Variants in LHFPL3 observed in about 807,000 individuals in gnomAD.
LHFPL3 encodes LHFPL tetraspan subfamily member 3 protein.
Under a neutral mutation model 19.3 loss-of-function variants are expected in LHFPL3, and 5 were observed. The ratio of observed to expected loss-of-function variants is 0.26; its 90% CI spans 0.14 to 0.54. The LOEUF is 0.54. Ranked by LOEUF, LHFPL3 falls within the 20% of genes least tolerant of loss-of-function variation. The probability of loss-of-function intolerance (pLI) is 0.94; values close to 1 mark genes in which losing one functional copy is unlikely to be tolerated. For synonymous variants in LHFPL3, 133 were observed against 126.2 expected (o/e 1.05, Z -0.36); for missense variants, 249 against 307.4 (o/e 0.81, Z 1.42).
At chr7:104,678,305 G>T (rs1792630384) in intron 1 of LHFPL3, among the ~76,000 whole-genome samples, 1 of 152,132 alleles carries the variant, frequency 6.6e-6, no homozygotes, top group Non-Finnish European at 1.5e-5. Flanking sequence ...CTGTATTACA[G>T]GCAAGACTCT....
chr7:104,740,237 A>T (rs997462490), intron 2 of LHFPL3, among the ~76,000 whole-genome samples: 2 of 152,164 alleles, frequency 1.3e-5, no homozygotes, highest in East Asian at 3.9e-4. Context: ...TATAAATTAC[A>T]CAGTCTCAAG....
In LHFPL3 at chr7:104,349,457, C is replaced by T. The variant is rs572524132; in HGVS notation, c.445+20233C>T. Reference sequence around the variant, plus strand: ...ATTATTCTGTATAATAAACCCCAGACATACAAGGGAGCCCTTTTATGATAT... The same window carrying T: ...ATTATTCTGTATAATAAACCCCAGATATACAAGGGAGCCCTTTTATGATAT... On this transcript the variant is annotated intron_variant, in intron 1 of 2. Coordinates refer to ENST00000424859, the MANE Select transcript of LHFPL3 (RefSeq NM_199000.3). Among the ~76,000 whole-genome samples, 5 of 152,324 alleles carry T rather than the reference C, an allele frequency of 3.3e-5. No homozygotes were observed. The East Asian group carries it at 7.7e-4, about 24-fold the overall frequency.
intron 2 of LHFPL3, among the ~76,000 whole-genome samples, chr7:104,821,879 A>G (rs1257589755): frequency 6.6e-6 from 1 of 152,220 alleles, no homozygotes. Context: ...TAAGTAGTGT[A>G]ATCAAAGGTC....
At chr7:104,350,789 C>T (rs1307002116) in intron 1 of LHFPL3, among the ~76,000 whole-genome samples, 3 of 152,160 alleles carry the variant, frequency 2.0e-5, no homozygotes, top group Non-Finnish European at 2.9e-5. Flanking sequence ...CCTGTAATCC[C>T]AGCACTTTGG....
intron 1 of LHFPL3, among the ~76,000 whole-genome samples, chr7:104,339,138 C>T (rs1789896410): frequency 6.6e-6 from 1 of 151,992 alleles, no homozygotes; most frequent in Non-Finnish European, 1.5e-5. Flanking sequence ...ATCCCAGCTA[C>T]TCGGGAGGCC....
chr7:104,335,282 A>G (rs1404750364), intron 1 of LHFPL3, among the ~76,000 whole-genome samples: 1 of 152,250 alleles, frequency 6.6e-6, no homozygotes, highest in Non-Finnish European at 1.5e-5. Context: ...CTTTTCCTCT[A>G]TCAGAGCATT....
chr7:104,508,032 A>T (rs1480608660), intron 1 of LHFPL3, among the ~76,000 whole-genome samples: 18 of 147,338 alleles, frequency 1.2e-4, no homozygotes, highest in African/African-American at 4.3e-4. Flanking sequence ...TAGTTCAACC[A>T]TTGTGGAAGT....
intron 1 of LHFPL3, among the ~76,000 whole-genome samples, chr7:104,336,092 G>A (rs1395546746): frequency 6.6e-6 from 1 of 152,106 alleles, no homozygotes; most frequent in East Asian, 1.9e-4. Flanking sequence ...AACTTTGGGG[G>A]TCAGCACCAG....
At chr7:104,870,847 T>A (rs1791821433) in intron 2 of LHFPL3, among the ~76,000 whole-genome samples, 1 of 152,080 alleles carries the variant, frequency 6.6e-6, no homozygotes, top group African/African-American at 2.4e-5. Context: ...GTAAAGGATG[T>A]ATAGCATCCT....
chr7:104,439,467 C>G (rs1204922150), intron 1 of LHFPL3, among the ~76,000 whole-genome samples: 1 of 151,950 alleles, frequency 6.6e-6, no homozygotes, highest in East Asian at 1.9e-4. Flanking sequence ...GGGTTTATCT[C>G]CAAAATGAAA....
At chr7:104,500,144 A>G (rs1264091415) in intron 1 of LHFPL3, among the ~76,000 whole-genome samples, 1 of 152,228 alleles carries the variant, frequency 6.6e-6, no homozygotes, top group Non-Finnish European at 1.5e-5. Flanking sequence ...CAGAGGTTCC[A>G]CAGGTAACCA....
chr7:104,853,137 G>A (rs1375342028), intron 2 of LHFPL3, among the ~76,000 whole-genome samples: 1 of 152,232 alleles, frequency 6.6e-6, no homozygotes, highest in South Asian at 2.1e-4. Context: ...AGAGCTCAAC[G>A]AGGAGCAAGC....
At chr7:104,501,301 G>C (rs1490343247) in intron 1 of LHFPL3, among the ~76,000 whole-genome samples, 1 of 152,050 alleles carries the variant, frequency 6.6e-6, no homozygotes, top group Non-Finnish European at 1.5e-5. Context: ...AACAGCATTC[G>C]TTCTACTAAT....
chr7:104,824,886 TATATA>T (rs904628536), intron 2 of LHFPL3, among the ~76,000 whole-genome samples: 2 of 135,638 alleles, frequency 1.5e-5, no homozygotes, highest in African/African-American at 5.5e-5. Context: ...TTATATATAT[TATATA>T]ATAATTGTAT....
At chr7:104,425,141 G>A (rs974405188) in intron 1 of LHFPL3, among the ~76,000 whole-genome samples, 3 of 152,010 alleles carry the variant, frequency 2.0e-5, no homozygotes, top group African/African-American at 7.3e-5. Flanking sequence ...CTACATAGTA[G>A]GGCCCAGTGA....
intron 1 of LHFPL3, among the ~76,000 whole-genome samples, chr7:104,660,003 CGTT>C (rs771746807): frequency 1.2e-5 from 1 of 81,682 alleles, no homozygotes; most frequent in East Asian, 4.4e-4. Context: ...CACAGCAACT[CGTT>C]TTTTTTTTTT....
intron 2 of LHFPL3, among the ~76,000 whole-genome samples, chr7:104,898,006 C>CTTTTT (rs71155536): frequency 0.048 from 4,662 of 96,574 alleles, 740 homozygotes; most frequent in African/African-American, 0.18. Flanking sequence ...AATGTCACCC[C>CTTTTT]TTTTTTTTTT....
intron 1 of LHFPL3, among the ~76,000 whole-genome samples, chr7:104,724,653 G>A (rs1047038589): frequency 6.6e-6 from 1 of 152,110 alleles, no homozygotes; most frequent in East Asian, 1.9e-4. Context: ...AATAACTAAT[G>A]GGTACTAGGC....
Position 104,734,679 on chromosome 7 carries a change from C to T in LHFPL3, c.446-1996C>T, listed in dbSNP as rs188831771. Among the ~76,000 whole-genome samples the T allele has an allele frequency of 1.3e-4, 20 of 152,270 alleles. No individual in the cohort carries two copies. The South Asian group carries it at 2.3e-3, about 17-fold the overall frequency. On this transcript the variant is annotated intron_variant, in intron 1 of 2. Coordinates refer to ENST00000424859, the MANE Select transcript of LHFPL3 (RefSeq NM_199000.3). ...ATGGGTTCAAACTTCCTCTTTAGCT[C>T]GGAGAAATTTGATCATCTGAAGCCT...
Sources: allele counts gnomAD v4.1 joint callset (sites outside exome capture counted in the v4.1 genomes callset), GRCh38; gene constraint gnomAD v4.1.1; transcripts MANE v1.5; gene names NCBI Gene and HGNC (gene_info 2026-07-23, HGNC 2026-07-21).